The following TMEM255B variants were observed in gnomAD, a reference collection of about 807,000 sequenced individuals.
TMEM255B encodes transmembrane protein 255B, also known as family with sequence similarity 70, member B.
Under a neutral mutation model 34.5 loss-of-function variants are expected in TMEM255B, and 35 were observed. The ratio of observed to expected loss-of-function variants is 1.01; its 90% CI spans 0.77 to 1.34. The LOEUF is 1.34. Ranked by LOEUF, TMEM255B falls within the 40% of genes most tolerant of loss-of-function variation. TMEM255B has a pLI of 0.00. For missense variants in TMEM255B, 432 were observed against 433.2 expected (o/e 1.00, Z 0.02); for synonymous variants, 206 against 201.2 (o/e 1.02, Z -0.20).
In TMEM255B at chr13:113,761,118, C is replaced by T. The variant is rs1047122928; in HGVS notation, c.46+1803C>T. ...GACGGCTGAGTGATTACAGTTTTACCTGGGATTGTTACTTGGACACCATGA... is the reference window on the plus strand; with the variant it reads ...GACGGCTGAGTGATTACAGTTTTACTTGGGATTGTTACTTGGACACCATGA... On this transcript the variant is annotated intron_variant, in intron 1 of 8. Coordinates refer to ENST00000375353, the MANE Select transcript of TMEM255B (RefSeq NM_182614.4). The T allele has an allele frequency of 1.5e-5, 14 of 919,562 alleles. No individual in the cohort carries two copies. In the African/African-American group the frequency reaches 2.5e-4, roughly 16 times the overall value. 57.0% of individuals were successfully genotyped at this position (919,562 alleles called of 1,614,324 possible). A position where few individuals can be genotyped will look rare whatever the true frequency, so the allele number is the denominator to read the frequency against.
intron 8 of TMEM255B, among the ~76,000 whole-genome samples, chr13:113,810,870 G>A (rs1224685322): frequency 5.3e-5 from 8 of 152,248 alleles, no homozygotes; most frequent in Admixed American, 4.6e-4. Context: ...ACGTGTGGAC[G>A]TGTGGGGTTC....
intron 4 of TMEM255B, among the ~76,000 whole-genome samples, chr13:113,796,022 C>G (rs1255487282): frequency 1.3e-5 from 2 of 148,182 alleles, no homozygotes; most frequent in East Asian, 4.0e-4. Flanking sequence ...GCACACAGCA[C>G]ACACACCATA....
chr13:113,807,638 T>C lies in TMEM255B; in HGVS notation c.813+2610T>C, dbSNP rs367968237. ...ACGGGATGTGGGGGGTGGTCCTCCC[T>C]GTCACACGCAGGCTTACGGGATGTG... On this transcript the variant is annotated intron_variant, in intron 8 of 8. Coordinates refer to ENST00000375353, the MANE Select transcript of TMEM255B (RefSeq NM_182614.4). Among the ~76,000 whole-genome samples, 45 of 75,294 alleles carry C rather than the reference T, an allele frequency of 6.0e-4. 1 individual carries two copies. Among genetic ancestry groups the C allele is most frequent in the Admixed American group, 1.9e-3 (11 of 5,770 alleles). The allele number at this position is 75,294 out of a possible 152,430, so 49.4% of individuals were successfully genotyped here.
rs574117307 is a variant in TMEM255B, at chr13:113,764,290, C to T, written c.47-1825C>T. Among the ~76,000 whole-genome samples, 4 of 152,252 alleles carry T rather than the reference C, an allele frequency of 2.6e-5. No homozygotes were observed. The South Asian group carries it at 6.2e-4, about 24-fold the overall frequency. On this transcript the variant is annotated intron_variant, in intron 1 of 8. Transcript: ENST00000375353. ...CCCCTGCACCCACCTGCTTGTCACC[C>T]CTCTAGGTTTATTCAGTGTGACCCC... is the stretch of plus-strand genomic sequence containing the variant.
intron 3 of TMEM255B, among the ~76,000 whole-genome samples, chr13:113,793,456 C>T (rs7400045): frequency 0.18 from 8,493 of 46,982 alleles, 26 homozygotes; most frequent in African/African-American, 0.23. Flanking sequence ...GGGACCGTGC[C>T]GGTCTGGGAC....
At chr13:113,787,430 T>G (rs1361417580) in intron 3 of TMEM255B, among the ~76,000 whole-genome samples, 1 of 152,180 alleles carries the variant, frequency 6.6e-6, no homozygotes, top group African/African-American at 2.4e-5. Flanking sequence ...ACCTGAGTGG[T>G]GCGGCTTCTC....
At chr13:113,767,851 G>A in intron 2 of TMEM255B, among the ~76,000 whole-genome samples, 1 of 152,184 alleles carries the variant, frequency 6.6e-6, no homozygotes, top group East Asian at 1.9e-4. Flanking sequence ...ATAAAACGTA[G>A]TGTAACAGAT....
At chr13:113,764,404 T>C (rs1018918636) in intron 1 of TMEM255B, among the ~76,000 whole-genome samples, 1 of 152,078 alleles carries the variant, frequency 6.6e-6, no homozygotes, top group Non-Finnish European at 1.5e-5. Flanking sequence ...TGAGGCTGGG[T>C]GTGGGGATTG....
At chr13:113,783,827 A>G (rs943034563) in intron 3 of TMEM255B, among the ~76,000 whole-genome samples, 1 of 152,110 alleles carries the variant, frequency 6.6e-6, no homozygotes, top group Non-Finnish European at 1.5e-5. Flanking sequence ...GAGGGGGTTC[A>G]TCTGCAGGGT....
Position 113,811,943 on chromosome 13 carries a change from T to A in TMEM255B, c.*40T>A, listed in dbSNP as rs1200544881. 8 of 1,510,616 alleles carry A rather than the reference T, an allele frequency of 5.3e-6. No individual in the cohort carries two copies. Among genetic ancestry groups the A allele is most frequent in the Middle Eastern group, 1.8e-4 (1 of 5,502 alleles). The allele number at this position is 1,510,616 out of a possible 1,614,324, so 93.6% of individuals were successfully genotyped here. ...AAAAGATAACTTGTTTGTTTTTTTT[T>A]TTAAAAAAAAGGCAGCCTCTAGAAA... On this transcript the variant is annotated 3_prime_UTR_variant, in exon 9 of 9. Coordinates refer to ENST00000375353, the MANE Select transcript of TMEM255B (RefSeq NM_182614.4).
Position 113,804,956 on chromosome 13 carries a change from C to T in TMEM255B, c.741C>T (p.Ile247=). 10 of 1,606,804 alleles carry T rather than the reference C, an allele frequency of 6.2e-6. No individual in the cohort carries two copies. Among genetic ancestry groups the T allele is most frequent in the Non-Finnish European group, 7.6e-6 (9 of 1,179,832 alleles). ...PQTLYNPAQQ[I]LAYAGFRLTP... is the part of the protein sequence containing the mutation. ...CCCTCTACAACCCCGCCCAGCAGAT[C>T]CTGGCCTACGCAGGCTTCCGCCTGA... Residue 247 remains isoleucine (I), a synonymous_variant, in exon 8 of 9, where the codon ATC becomes ATT. Transcript: ENST00000375353.
At chr13:113,774,674 A>T (rs553285798) in intron 3 of TMEM255B, among the ~76,000 whole-genome samples, 4 of 140,510 alleles carry the variant, frequency 2.8e-5, no homozygotes, top group Middle Eastern at 3.5e-3. Flanking sequence ...CACACATATG[A>T]CACACACACC....
At chr13:113,805,559 G>A (rs1459664880) in intron 8 of TMEM255B, among the ~76,000 whole-genome samples, 4 of 152,232 alleles carry the variant, frequency 2.6e-5, no homozygotes, top group Non-Finnish European at 5.9e-5. Context: ...TCCTGGGCAT[G>A]ACCGCCTTCT....
At chr13:113,807,767 C>T (rs1435627365) in intron 8 of TMEM255B, among the ~76,000 whole-genome samples, 4 of 137,304 alleles carry the variant, frequency 2.9e-5, no homozygotes, top group African/African-American at 5.7e-5. Flanking sequence ...CCCCGTCACA[C>T]GCAGGCTTAC....
intron 3 of TMEM255B, among the ~76,000 whole-genome samples, chr13:113,771,445 G>C (rs1296707115): frequency 6.6e-6 from 1 of 152,200 alleles, no homozygotes; most frequent in African/African-American, 2.4e-5. Context: ...ACTTTGGGAG[G>C]CCAAGGTGGG....
rs371990884 is a variant in TMEM255B, at chr13:113,780,590, T to G, written c.252+11430T>G. Among the ~76,000 whole-genome samples the G allele has an allele frequency of 3.9e-5, 6 of 152,366 alleles. No homozygotes were observed. The South Asian group carries it at 1.2e-3, about 32-fold the overall frequency. On this transcript the variant is annotated intron_variant, in intron 3 of 8. Coordinates refer to ENST00000375353, the MANE Select transcript of TMEM255B (RefSeq NM_182614.4). ...ATGATCACTCCAGTCTCCTATTGGT[T>G]CAGTTCATGTAGTTAATTCCTGTCC...
chr13:113,776,696 G>A (rs962250774), intron 3 of TMEM255B, among the ~76,000 whole-genome samples: 10 of 152,228 alleles, frequency 6.6e-5, no homozygotes, highest in African/African-American at 2.2e-4. Flanking sequence ...GTGGGGCCGA[G>A]TGTGACACTC....
chr13:113,794,767 T>A (rs540106752), intron 3 of TMEM255B, among the ~76,000 whole-genome samples: 1 of 152,272 alleles, frequency 6.6e-6, no homozygotes, highest in South Asian at 2.1e-4. Flanking sequence ...TGTGCGACAG[T>A]GTGTGAAGCT....
chr13:113,765,746 T>A (rs1199057520), intron 1 of TMEM255B, among the ~76,000 whole-genome samples: 1 of 152,092 alleles, frequency 6.6e-6, no homozygotes, highest in Non-Finnish European at 1.5e-5. Flanking sequence ...TGTGAGCGAA[T>A]GGTAATGATA....
Sources: allele counts gnomAD v4.1 joint callset (sites outside exome capture counted in the v4.1 genomes callset), GRCh38; gene constraint gnomAD v4.1.1; transcripts MANE v1.5; gene names NCBI Gene and HGNC (gene_info 2026-07-23, HGNC 2026-07-21).